CAMK1D: variants seen among roughly 807,000 people sequenced by gnomAD.
The protein encoded by CAMK1D is calcium/calmodulin dependent protein kinase ID, also known as calcium/calmodulin-dependent protein kinase type 1D.
CAMK1D carries 9 observed loss-of-function variants against 47.7 expected under a neutral mutation model. The observed-to-expected ratio is 0.19, with a 90% CI of 0.11 to 0.33. The LOEUF (loss-of-function observed/expected upper bound fraction) is 0.33. Among genes scored for constraint, CAMK1D ranks in the 10% least tolerant of loss-of-function variants. The pLI is 1.00. For missense variants in CAMK1D, 291 were observed against 488.7 expected, an observed-to-expected ratio of 0.60 and a Z score of 3.81; for synonymous variants, 184 against 184.9, an observed-to-expected ratio of 0.99 and a Z score of 0.04.
At chr10:12,522,190 CCTTTTTT>C (rs766144223) in intron 1 of CAMK1D, among the ~76,000 whole-genome samples, 44 of 37,164 alleles carry the variant, frequency 1.2e-3, no homozygotes, top group Non-Finnish European at 1.5e-3. Flanking sequence ...TGATATATTT[CCTTTTTT>C]TTTCTTTTTT....
chr10:12,752,447 A>G (rs967598965), intron 3 of CAMK1D, among the ~76,000 whole-genome samples: 30 of 152,268 alleles, frequency 2.0e-4, no homozygotes, highest in African/African-American at 6.0e-4. Flanking sequence ...GAGACTCGGG[A>G]GGGTAGAAGG....
At chr10:12,665,808 C>G (rs1033591715) in intron 2 of CAMK1D, among the ~76,000 whole-genome samples, 1 of 152,186 alleles carries the variant, frequency 6.6e-6, no homozygotes, top group Non-Finnish European at 1.5e-5. Context: ...TCGGCAGTAC[C>G]GATATCTCCT....
chr10:12,479,657 C>A (rs1209339064), intron 1 of CAMK1D, among the ~76,000 whole-genome samples: 1 of 152,160 alleles, frequency 6.6e-6, no homozygotes, highest in African/African-American at 2.4e-5. Flanking sequence ...TGTGCTCTGG[C>A]CTTTAGAGTA....
Position 12,384,258 on chromosome 10 carries a change from G to A in CAMK1D, c.92+34348G>A, listed in dbSNP as rs566574625. Among the ~76,000 whole-genome samples the A allele has an allele frequency of 2.0e-5, 3 of 152,286 alleles. No individual in the cohort carries two copies. The South Asian group carries it at 6.2e-4, about 32-fold the overall frequency. ...GTGTCTATGGATTGGAAGACTTAATGTTGTGGAGATAGCAAAACTCCCCAA... is the reference window on the plus strand; with the variant it reads ...GTGTCTATGGATTGGAAGACTTAATATTGTGGAGATAGCAAAACTCCCCAA... On this transcript the variant is annotated intron_variant, in intron 1 of 10. Coordinates refer to ENST00000619168, the MANE Select transcript of CAMK1D (RefSeq NM_153498.4).
At chr10:12,523,509 G>A (rs1327568693) in intron 1 of CAMK1D, among the ~76,000 whole-genome samples, 5 of 152,022 alleles carry the variant, frequency 3.3e-5, no homozygotes, top group South Asian at 2.1e-4. Context: ...TCGGGAGGCC[G>A]AGGCTGGCGG....
At chr10:12,602,434 C>T (rs1838330124) in intron 2 of CAMK1D, among the ~76,000 whole-genome samples, 1 of 152,154 alleles carries the variant, frequency 6.6e-6, no homozygotes, top group African/African-American at 2.4e-5. Context: ...TCACCGATGA[C>T]TTTTCCAACC....
chr10:12,631,021 C>T (rs752278476), intron 2 of CAMK1D, among the ~76,000 whole-genome samples: 4 of 152,066 alleles, frequency 2.6e-5, no homozygotes, highest in Non-Finnish European at 4.4e-5. Context: ...AAGGGTGCAG[C>T]CTTTCCTTGG....
chr10:12,588,904 G>GTGTGTA (rs752916185), intron 2 of CAMK1D, among the ~76,000 whole-genome samples: 8 of 140,498 alleles, frequency 5.7e-5, no homozygotes, highest in African/African-American at 1.9e-4. Context: ...GTGTGTGTGT[G>GTGTGTA]TATATATAAC....
intron 2 of CAMK1D, among the ~76,000 whole-genome samples, chr10:12,579,489 C>G (rs552295996): frequency 6.6e-6 from 1 of 152,180 alleles, no homozygotes; most frequent in Non-Finnish European, 1.5e-5. Flanking sequence ...GGAATGTGGT[C>G]AGACCATTGA....
At chr10:12,450,186 A>G (rs2132031303) in intron 1 of CAMK1D, among the ~76,000 whole-genome samples, 1 of 152,152 alleles carries the variant, frequency 6.6e-6, no homozygotes, top group East Asian at 1.9e-4. Flanking sequence ...GGAAGGAAGA[A>G]GGAAGTTTCC....
chr10:12,705,839 T>C (rs188628824), intron 3 of CAMK1D, among the ~76,000 whole-genome samples: 4 of 152,376 alleles, frequency 2.6e-5, no homozygotes, highest in African/African-American at 7.2e-5. Flanking sequence ...ACAAGAATGC[T>C]TTTATTAAAC....
chr10:12,532,506 C>T (rs1835841605), intron 1 of CAMK1D, among the ~76,000 whole-genome samples: 2 of 152,172 alleles, frequency 1.3e-5, no homozygotes, highest in Admixed American at 1.3e-4. Context: ...GTCTCGATCT[C>T]CTGACCTCGT....
intron 1 of CAMK1D, among the ~76,000 whole-genome samples, chr10:12,364,358 C>T (rs1310709492): frequency 1.3e-5 from 2 of 150,930 alleles, no homozygotes; most frequent in Non-Finnish European, 2.9e-5. Context: ...TCTCCTGCCT[C>T]GGCGCCCCTA....
rs1838417768 is a variant in CAMK1D at position 12,801,238 on chromosome 10, C to T, written c.641+10005C>T. The stretch of plus-strand genomic sequence containing the variant: ...CATCTCTAGTATCCATCCATCCATC[C>T]ATCCATCCATCCATCCATCCATCTG... On this transcript the variant is annotated intron_variant, in intron 6 of 10. Transcript: ENST00000619168. 2.6e-5 allele frequency among the ~76,000 whole-genome samples: 4 copies of T among 151,532 alleles called. 1 individual carries two copies. In the South Asian group the frequency reaches 8.3e-4, roughly 32 times the overall value.
chr10:12,516,155 G>A (rs1835204685), intron 1 of CAMK1D, among the ~76,000 whole-genome samples: 1 of 152,126 alleles, frequency 6.6e-6, no homozygotes, highest in Admixed American at 6.6e-5. Context: ...TGTCATCCAG[G>A]CTGGAGTGCA....
chr10:12,566,841 G>A (rs912855756), intron 2 of CAMK1D, among the ~76,000 whole-genome samples: 5 of 152,148 alleles, frequency 3.3e-5, no homozygotes, highest in Non-Finnish European at 7.3e-5. Context: ...ATTGAATCTG[G>A]TTTCAGAAAT....
chr10:12,791,372 A>G (rs1249203789), intron 6 of CAMK1D, 139 bp downstream of exon 6: 6 of 663,806 alleles, frequency 9.0e-6, no homozygotes, highest in Non-Finnish European at 1.3e-5. Flanking sequence ...GGTACAGTTC[A>G]GTGGCATTAA....
chr10:12,392,794 C>A (rs1159956365), intron 1 of CAMK1D, among the ~76,000 whole-genome samples: 1 of 152,066 alleles, frequency 6.6e-6, no homozygotes, highest in Non-Finnish European at 1.5e-5. Context: ...AAAAGTCTCC[C>A]CAACCCCCTG....
At chr10:12,530,736 A>G (rs2132219816) in intron 1 of CAMK1D, among the ~76,000 whole-genome samples, 3 of 152,250 alleles carry the variant, frequency 2.0e-5, no homozygotes, top group African/African-American at 7.2e-5. Context: ...CTGTTCCATC[A>G]TTAAAATTAG....
Sources: gnomAD v4.1 joint callset for allele counts (sites outside exome capture counted in the v4.1 genomes callset) on GRCh38, gnomAD v4.1.1 for gene constraint, MANE v1.5 for transcripts, NCBI Gene and HGNC (gene_info 2026-07-23, HGNC 2026-07-21) for gene names.